FRMD4A: variants seen among roughly 807,000 people sequenced by gnomAD.
FRMD4A encodes FERM domain containing 4A.
A neutral mutation model predicts 129.1 loss-of-function variants in FRMD4A; 29 were observed. That is an observed-to-expected ratio of 0.22 (90% confidence interval 0.17 to 0.31). The LOEUF is 0.31. FRMD4A is among the 10% of genes least tolerant of loss of function. The probability of loss-of-function intolerance (pLI) is 1.00; values close to 1 mark genes in which losing one functional copy is unlikely to be tolerated. For synonymous variants in FRMD4A, 634 were observed against 571.6 expected, an observed-to-expected ratio of 1.11 and a Z score of -1.56; for missense variants, 1,272 against 1,375.8, an observed-to-expected ratio of 0.92 and a Z score of 1.19.
At chr10:13,773,893 G>C (rs895640170) in intron 6 of FRMD4A, among the ~76,000 whole-genome samples, 7 of 152,220 alleles carry the variant, frequency 4.6e-5, no homozygotes, top group African/African-American at 1.7e-4. Flanking sequence ...ACCGGAAGAG[G>C]GAGAGGAGCA....
At chr10:13,784,682 A>C (rs1002260415) in intron 5 of FRMD4A, among the ~76,000 whole-genome samples, 1 of 152,178 alleles carries the variant, frequency 6.6e-6, no homozygotes, top group Non-Finnish European at 1.5e-5. Flanking sequence ...GGTATGGTAA[A>C]AGATAAAAGG....
At chr10:14,051,182 T>C (rs1045148855) in intron 2 of FRMD4A, among the ~76,000 whole-genome samples, 22 of 152,208 alleles carry the variant, frequency 1.4e-4, no homozygotes, top group Non-Finnish European at 2.8e-4. Flanking sequence ...CTTTCGATGC[T>C]CTCTTTCTCT....
intron 15 of FRMD4A, among the ~76,000 whole-genome samples, chr10:13,680,588 T>C (rs2134756588): frequency 6.6e-6 from 1 of 151,994 alleles, no homozygotes; most frequent in South Asian, 2.1e-4. Context: ...CAGCTGGGCG[T>C]TGTGGCATGC....
intron 3 of FRMD4A, among the ~76,000 whole-genome samples, chr10:13,819,994 G>A (rs2093605624): frequency 6.6e-6 from 1 of 152,190 alleles, no homozygotes; most frequent in African/African-American, 2.4e-5. Flanking sequence ...AAGGTCCTGG[G>A]ATATATTGCC....
intron 12 of FRMD4A, among the ~76,000 whole-genome samples, chr10:13,731,337 T>C (rs1164665363): frequency 6.6e-6 from 1 of 152,100 alleles, no homozygotes; most frequent in Non-Finnish European, 1.5e-5. Context: ...TGACGGGACA[T>C]TTAATGTCCT....
intron 22 of FRMD4A, among the ~76,000 whole-genome samples, chr10:13,656,362 T>G (rs1271714171): frequency 6.6e-6 from 1 of 152,174 alleles, no homozygotes; most frequent in African/African-American, 2.4e-5. Flanking sequence ...GATTTCTGTC[T>G]TTACAAGGAG....
At chr10:13,923,293 C>A (rs1488235455) in intron 2 of FRMD4A, among the ~76,000 whole-genome samples, 1 of 152,160 alleles carries the variant, frequency 6.6e-6, no homozygotes, top group Non-Finnish European at 1.5e-5. Context: ...AAACAGCTTT[C>A]TTCTTCAGGT....
At chr10:14,283,125 G>A (rs557494860) in intron 2 of FRMD4A, among the ~76,000 whole-genome samples, 4 of 152,292 alleles carry the variant, frequency 2.6e-5, no homozygotes, top group African/African-American at 4.8e-5. Context: ...AAATTTGAAG[G>A]GATTATCAAA....
At chr10:13,864,068 T>C (rs1362440147) in intron 2 of FRMD4A, among the ~76,000 whole-genome samples, 4 of 152,098 alleles carry the variant, frequency 2.6e-5, no homozygotes, top group Non-Finnish European at 5.9e-5. Context: ...TGATCTCGGC[T>C]CACTGCAACC....
chr10:13,702,567 T>TGTGCGC (rs1491427722), intron 13 of FRMD4A, among the ~76,000 whole-genome samples: 1 of 149,248 alleles, frequency 6.7e-6, no homozygotes. Flanking sequence ...TGTGTGTGTG[T>TGTGCGC]GCGCATGCAT....
intron 2 of FRMD4A, among the ~76,000 whole-genome samples, chr10:13,860,767 G>A (rs566911887): frequency 1.3e-5 from 2 of 152,190 alleles, no homozygotes; most frequent in East Asian, 1.9e-4. Flanking sequence ...CTGGCCCTAA[G>A]GGAGCTCTTG....
chr10:14,327,560 C>T (rs73585062), intron 2 of FRMD4A, among the ~76,000 whole-genome samples: 2,185 of 152,286 alleles, frequency 0.014, 48 homozygotes, highest in African/African-American at 0.048. Flanking sequence ...CAGGGCTGTC[C>T]AACCCTCCAG....
At chr10:13,698,124 G>A (rs191277638) in intron 14 of FRMD4A, among the ~76,000 whole-genome samples, 4 of 152,248 alleles carry the variant, frequency 2.6e-5, no homozygotes, top group Admixed American at 1.3e-4. Flanking sequence ...GAGAAAGAAG[G>A]AGAGATTTCC....
Position 13,777,430 on chromosome 10 carries a change from C to T in FRMD4A, c.384+5492G>A, listed in dbSNP as rs146773956. 4.2e-3 allele frequency among the ~76,000 whole-genome samples: 642 copies of T among 152,268 alleles called. 3 individuals carry two copies. Among genetic ancestry groups the T allele is most frequent in the Non-Finnish European group, 7.5e-3 (508 of 68,026 alleles). On this transcript the variant is annotated intron_variant, in intron 6 of 24. Coordinates refer to ENST00000357447, the MANE Select transcript of FRMD4A (RefSeq NM_018027.5). Reference sequence around the variant, plus strand: ...GGGGCCTTGGGATGCGACTTGGTCTCCTATATCAACTTGAAAGATGCTGTC... The same window carrying T: ...GGGGCCTTGGGATGCGACTTGGTCTTCTATATCAACTTGAAAGATGCTGTC...
intron 2 of FRMD4A, among the ~76,000 whole-genome samples, chr10:14,234,500 C>T (rs949207812): frequency 3.9e-5 from 6 of 152,184 alleles, no homozygotes; most frequent in South Asian, 2.1e-4. Context: ...AGCCAGCCCA[C>T]GTTACTCTGG....
chr10:14,133,175 G>A (rs1397472896), intron 2 of FRMD4A, among the ~76,000 whole-genome samples: 1 of 152,162 alleles, frequency 6.6e-6, no homozygotes, highest in Non-Finnish European at 1.5e-5. Flanking sequence ...GAATTAGCAG[G>A]ATTAGATGAC....
At chr10:14,121,727 T>C (rs1838531948) in intron 2 of FRMD4A, among the ~76,000 whole-genome samples, 2 of 152,190 alleles carry the variant, frequency 1.3e-5, no homozygotes, top group Admixed American at 6.5e-5. Flanking sequence ...TAAGAGCATG[T>C]CGATGCTAGC....
At chr10:13,804,566 A>G (rs1019234739) in intron 4 of FRMD4A, among the ~76,000 whole-genome samples, 2 of 130,852 alleles carry the variant, frequency 1.5e-5, no homozygotes, top group Non-Finnish European at 1.6e-5. Flanking sequence ...TTTTGTTGAG[A>G]CGGAGTCTCG....
intron 2 of FRMD4A, among the ~76,000 whole-genome samples, chr10:14,231,567 C>T (rs921212888): frequency 1.3e-5 from 2 of 152,104 alleles, no homozygotes; most frequent in Admixed American, 6.5e-5. Context: ...AGGATGGTCT[C>T]GATCTCCTGA....
Sources: allele counts gnomAD v4.1 joint callset (sites outside exome capture counted in the v4.1 genomes callset), GRCh38; gene constraint gnomAD v4.1.1; transcripts MANE v1.5; gene names NCBI Gene and HGNC (gene_info 2026-07-23, HGNC 2026-07-21).